ATP11C: variants seen among roughly 807,000 people sequenced by gnomAD.
ATP11C encodes ATPase phospholipid transporting 11C (ATP11C blood group), also known as phospholipid-transporting ATPase IG.
In ATP11C, 36 loss-of-function variants were observed where a neutral mutation model predicts 97.4. The ratio of observed to expected loss-of-function variants is 0.37; its 90% CI spans 0.28 to 0.49. The LOEUF is 0.49. Among genes scored for constraint, ATP11C ranks in the 20% least tolerant of loss-of-function variants. The pLI, the probability that ATP11C is intolerant of heterozygous loss-of-function variation, is 0.98. For missense variants in ATP11C, 730 were observed against 824.6 expected (o/e 0.89, Z 1.40); for synonymous variants, 275 against 290.9 (o/e 0.95, Z 0.56).
At chrX:139,898,387 A>T (rs946737220) in intron 1 of ATP11C, among the ~76,000 whole-genome samples, 6 of 111,999 alleles carry the variant, frequency 5.4e-5, no homozygotes, top group African/African-American at 1.9e-4. Flanking sequence ...AGTGAAGCAC[A>T]AACATATTTT....
At chrX:139,740,559 C>T (rs1659044885) in intron 27 of ATP11C, among the ~76,000 whole-genome samples, 1 of 111,968 alleles carries the variant, frequency 8.9e-6, no homozygotes, top group Admixed American at 9.5e-5. Flanking sequence ...CTGAGCACAC[C>T]TGTAGTAACA....
chrX:139,831,171 A>G (rs1417780852), intron 1 of ATP11C, among the ~76,000 whole-genome samples: 1 of 111,838 alleles, frequency 8.9e-6, no homozygotes, highest in African/African-American at 3.3e-5. Flanking sequence ...TCCTTTTGCC[A>G]AAGGAAGTGA....
chrX:139,845,026 G>A (rs1374943050), intron 1 of ATP11C, among the ~76,000 whole-genome samples: 1 of 112,266 alleles, frequency 8.9e-6, no homozygotes, highest in African/African-American at 3.2e-5. Context: ...AAGGGGTTGT[G>A]AGCAACATTA....
chrX:139,786,957 G>C (rs1384667255), intron 15 of ATP11C, among the ~76,000 whole-genome samples: 1 of 112,231 alleles, frequency 8.9e-6, no homozygotes, highest in East Asian at 2.8e-4. Flanking sequence ...ACTGGACCCA[G>C]ATGTGAACCA....
chrX:139,913,755 T>C lies in ATP11C; in HGVS notation c.27+18261A>G, dbSNP rs969514998. On this transcript the variant is annotated intron_variant, in intron 1 of 29. Transcript: ENST00000682941. ...TATCTCCCTTCGTTGACTCTCTTTT[T>C]GGACTCAGCCCGCCTGCACCCAGGT... 4.5e-5 allele frequency among the ~76,000 whole-genome samples: 5 copies of C among 111,609 alleles called. No homozygotes were observed. The East Asian group carries it at 1.4e-3, about 31-fold the overall frequency.
At chrX:139,736,858 C>A (rs779420226) in intron 28 of ATP11C, among the ~76,000 whole-genome samples, 1 of 111,037 alleles carries the variant, frequency 9.0e-6, no homozygotes. Flanking sequence ...CACTGACTTG[C>A]GACATGAATC....
intron 6 of ATP11C, among the ~76,000 whole-genome samples, chrX:139,803,314 C>T (rs1388161765): frequency 1.8e-5 from 2 of 111,893 alleles, no homozygotes; most frequent in Non-Finnish European, 3.8e-5. Context: ...CATTACCATG[C>T]TTTTGAAATA....
At chrX:139,789,821 G>T (rs1281344391) in intron 12 of ATP11C, among the ~76,000 whole-genome samples, 2 of 110,931 alleles carry the variant, frequency 1.8e-5, no homozygotes, top group Non-Finnish European at 3.8e-5. Context: ...CTTGAGCTCA[G>T]GAGTTCAAGA....
intron 22 of ATP11C, among the ~76,000 whole-genome samples, chrX:139,759,309 A>G (rs2081993104): frequency 8.9e-6 from 1 of 111,806 alleles, no homozygotes; most frequent in Non-Finnish European, 1.9e-5. Flanking sequence ...TAACACATTT[A>G]AAATATATTT....
chrX:139,931,160 C>T (rs2085426337), intron 1 of ATP11C, among the ~76,000 whole-genome samples: 1 of 112,278 alleles, frequency 8.9e-6, no homozygotes, highest in African/African-American at 3.2e-5. Flanking sequence ...TTAATGTACC[C>T]TCTAGGAGTA....
chrX:139,747,761 T>C (rs890304522), intron 24 of ATP11C, among the ~76,000 whole-genome samples: 8 of 111,619 alleles, frequency 7.2e-5, no homozygotes, highest in Non-Finnish European at 1.5e-4. Flanking sequence ...CAGAGAGCCA[T>C]ATAGGAAGAC....
intron 3 of ATP11C, 45 bp from the exon 4 acceptor site, chrX:139,816,988 T>G: frequency 3.4e-6 from 3 of 888,506 alleles, no homozygotes; most frequent in Non-Finnish European, 4.8e-6. Context: ...AAATTTGTCA[T>G]TAACTCATAT....
chrX:139,865,406 A>G (rs781687508), intron 1 of ATP11C, among the ~76,000 whole-genome samples: 2 of 111,975 alleles, frequency 1.8e-5, no homozygotes, highest in African/African-American at 3.2e-5. Flanking sequence ...AGGTATTCAC[A>G]TATCTAATTT....
chrX:139,851,552 G>C (rs1167090263), intron 1 of ATP11C, among the ~76,000 whole-genome samples: 1 of 111,475 alleles, frequency 9.0e-6, no homozygotes, highest in Non-Finnish European at 1.9e-5. Flanking sequence ...GTGGAAATAT[G>C]GGACTGGGAC....
At position 139,832,153 on chromosome X, in the gene ATP11C, C is replaced by A. The variant is rs765901721; in HGVS notation, c.28-5330G>T. On this transcript the variant is annotated intron_variant, in intron 1 of 29. Transcript: ENST00000682941. ...AGGAGAAATAAATATAGATTACAAA[C>A]CTCAGAGGCTGGAGGGAGAGATGGG... The A allele has an allele frequency of 1.2e-5, 15 of 1,207,060 alleles. No individual in the cohort carries two copies. In the South Asian group the frequency reaches 2.3e-4, roughly 19 times the overall value.
chrX:139,783,167 T>C lies in ATP11C; in HGVS notation c.1767A>G (p.Ala589=). 3.4e-6 allele frequency: 4 copies of C among 1,192,559 alleles called. No homozygotes were observed. Among genetic ancestry groups the C allele is most frequent in the Non-Finnish European group, 4.5e-6 (4 of 879,518 alleles). ...GGGGGAAGGAGTATAGGCTCACCAT[T>C]GCATTACGTTCCACATGGACTTTAG... The part of the protein sequence containing the change: ...ELTKVHVERN[A]MDGYRTLCVA... The change falls in exon 17 of 30, where the codon GCA becomes GCG. Residue 589 remains alanine, a synonymous_variant. Transcript: ENST00000682941.
At chrX:139,785,485 T>C (rs185703875) in intron 15 of ATP11C, among the ~76,000 whole-genome samples, 186 bp from the exon 16 acceptor site, 2 of 111,978 alleles carry the variant, frequency 1.8e-5, no homozygotes, top group African/African-American at 6.5e-5. Context: ...GACACCAGTG[T>C]TAGTTAAGGG....
chrX:139,760,120 T>A (rs191191918), intron 22 of ATP11C, among the ~76,000 whole-genome samples: 2 of 112,200 alleles, frequency 1.8e-5, no homozygotes, highest in Admixed American at 1.9e-4. Flanking sequence ...TGGTGGAACA[T>A]CTAGCTCTGT....
chrX:139,894,807 G>A (rs1409698127), intron 1 of ATP11C, among the ~76,000 whole-genome samples: 1 of 111,428 alleles, frequency 9.0e-6, no homozygotes, highest in Non-Finnish European at 1.9e-5. Flanking sequence ...TACTGAAGAG[G>A]TGAGAAAGTC....
Sources: allele counts gnomAD v4.1 joint callset (sites outside exome capture counted in the v4.1 genomes callset), GRCh38; gene constraint gnomAD v4.1.1; transcripts MANE v1.5; gene names NCBI Gene and HGNC (gene_info 2026-07-23, HGNC 2026-07-21).